Variants in ANO6 observed in about 807,000 individuals in gnomAD.
The protein encoded by ANO6 is anoctamin-6.
A neutral mutation model predicts 117.5 loss-of-function variants in ANO6; 106 were observed. That is an observed-to-expected ratio of 0.90 (90% confidence interval 0.77 to 1.06). The LOEUF is 1.06. Among genes scored for constraint, ANO6 ranks in the 50% least tolerant of loss-of-function variants. The pLI is 0.00. For missense variants in ANO6, 955 were observed against 1,121.1 expected (o/e 0.85, Z 2.12); for synonymous variants, 367 against 385.1 (o/e 0.95, Z 0.55).
chr12:45,350,802 G>A, intron 7 of ANO6, 28 bp downstream of exon 7: 6 of 1,572,288 alleles, frequency 3.8e-6, no homozygotes, highest in Non-Finnish European at 5.2e-6. Context: ...GTACTCCAGG[G>A]GGAGGCACTC....
intron 2 of ANO6, among the ~76,000 whole-genome samples, chr12:45,323,185 T>A (rs1940339361): frequency 6.6e-6 from 1 of 152,170 alleles, no homozygotes; most frequent in African/African-American, 2.4e-5. Flanking sequence ...TTCTATTCTT[T>A]TGTGGAATAA....
intron 10 of ANO6, among the ~76,000 whole-genome samples, chr12:45,380,776 C>T (rs943669901): frequency 6.6e-6 from 1 of 152,134 alleles, no homozygotes; most frequent in Non-Finnish European, 1.5e-5. Context: ...AGTTTGAAAC[C>T]AGCCTGGCCA....
At chr12:45,406,926 A>C (rs1942949347) in intron 15 of ANO6, among the ~76,000 whole-genome samples, 1 of 152,244 alleles carries the variant, frequency 6.6e-6, no homozygotes. Flanking sequence ...ATAAGGACCT[A>C]GTAAAGCATA....
chr12:45,239,160 C>A (rs1947697013), intron 1 of ANO6, among the ~76,000 whole-genome samples: 1 of 152,196 alleles, frequency 6.6e-6, no homozygotes, highest in Non-Finnish European at 1.5e-5. Flanking sequence ...GGCTGTGAAT[C>A]CATCTGGTCC....
intron 15 of ANO6, among the ~76,000 whole-genome samples, chr12:45,405,854 C>G (rs1022652859): frequency 6.6e-6 from 1 of 152,026 alleles, no homozygotes; most frequent in African/African-American, 2.4e-5. Flanking sequence ...TTGCAGTGAG[C>G]CGAGATCGCA....
At chr12:45,411,043 A>T (rs549820372) in intron 16 of ANO6, among the ~76,000 whole-genome samples, 1 of 152,248 alleles carries the variant, frequency 6.6e-6, no homozygotes, top group East Asian at 1.9e-4. Context: ...GGACTGTAAG[A>T]CAATTACCTG....
chr12:45,312,008 C>T (rs1189081659), intron 2 of ANO6, among the ~76,000 whole-genome samples: 2 of 151,986 alleles, frequency 1.3e-5, no homozygotes, highest in Non-Finnish European at 2.9e-5. Context: ...AGTGTTCATT[C>T]TACCTGGTTT....
chr12:45,347,169 T>C, intron 4 of ANO6, 82 bp downstream of exon 4: 3 of 1,339,944 alleles, frequency 2.2e-6, no homozygotes, highest in Non-Finnish European at 3.2e-6. Context: ...TGGGTGACAT[T>C]GGAAACATGC....
chr12:45,346,416 T>C (rs1045752522), intron 3 of ANO6, among the ~76,000 whole-genome samples: 2 of 152,186 alleles, frequency 1.3e-5, no homozygotes, highest in South Asian at 2.1e-4. Context: ...CCATGTAATA[T>C]AGATATCAAT....
intron 1 of ANO6, among the ~76,000 whole-genome samples, chr12:45,241,254 T>C (rs943894001): frequency 3.3e-5 from 5 of 152,202 alleles, no homozygotes; most frequent in African/African-American, 7.2e-5. Context: ...CGTTTCTTTT[T>C]CTTCTTTTTT....
chr12:45,437,516 G>A (rs1196111111), intron 19 of ANO6, among the ~76,000 whole-genome samples: 1 of 151,786 alleles, frequency 6.6e-6, no homozygotes, highest in African/African-American at 2.4e-5. Context: ...TTCTAATACA[G>A]TATTTACTAT....
At chr12:45,375,114 A>G in intron 9 of ANO6, among the ~76,000 whole-genome samples, 1 of 152,226 alleles carries the variant, frequency 6.6e-6, no homozygotes, top group Non-Finnish European at 1.5e-5. Flanking sequence ...ATTGCTTCAA[A>G]GAGAATAAAA....
chr12:45,384,321 A>G (rs569662135), intron 10 of ANO6, among the ~76,000 whole-genome samples: 6 of 152,200 alleles, frequency 3.9e-5, no homozygotes, highest in African/African-American at 1.4e-4. Context: ...AGGTTGTTTC[A>G]CTTTTTTGTC....
At position 45,287,418 on chromosome 12, in the gene ANO6, C is replaced by T. The variant is rs558851387; in HGVS notation, c.71-14596C>T. 5.9e-5 allele frequency among the ~76,000 whole-genome samples: 9 copies of T among 152,264 alleles called. No homozygotes were observed. In the South Asian group the frequency reaches 1.9e-3, roughly 32 times the overall value. On this transcript the variant is annotated intron_variant, in intron 1 of 19. Coordinates refer to ENST00000320560, the MANE Select transcript of ANO6 (RefSeq NM_001025356.3). ...ATATGAAGGTAACTGTTGTACTTTT[C>T]TTACCTTGCAGAACTGCTGTGAGAA...
exon 20 of ANO6, chr12:45,439,730 A>C (rs1325489859): frequency 6.5e-7 from 1 of 1,544,230 alleles, no homozygotes; most frequent in African/African-American, 1.4e-5. Flanking sequence ...GCTCACTGCA[A>C]CCTCCGCCTC....
At chr12:45,234,511 G>A (rs1051827211) in intron 1 of ANO6, among the ~76,000 whole-genome samples, 17 of 152,206 alleles carry the variant, frequency 1.1e-4, no homozygotes, top group African/African-American at 3.6e-4. Flanking sequence ...CCAAATGAAG[G>A]AGCAGTTCAG....
chr12:45,356,828 G>A (rs968064743), intron 7 of ANO6, among the ~76,000 whole-genome samples: 2 of 152,108 alleles, frequency 1.3e-5, no homozygotes, highest in Non-Finnish European at 2.9e-5. Context: ...ACCCTGTGTT[G>A]TTTAAGGCTC....
intron 15 of ANO6, among the ~76,000 whole-genome samples, chr12:45,405,095 CT>C (rs879299555): frequency 2.7e-3 from 382 of 142,550 alleles, no homozygotes; most frequent in Admixed American, 2.7e-3. Context: ...CTGTGAAATT[CT>C]TTTTTTTTTT....
Position 45,401,976 on chromosome 12 carries a change from T to C in ANO6, c.1568T>C (p.Leu523Pro). 1 of 1,614,110 alleles carries C rather than the reference T, an allele frequency of 6.2e-7. No homozygotes were observed. The highest frequency in any genetic ancestry group is 8.5e-7 in the Non-Finnish European group (1 of 1,179,992). Residue 523 changes from leucine to proline, a missense_variant, in exon 13 of 20, where the codon CTG (leucine) becomes CCG (proline). Transcript: ENST00000320560. Reference sequence around the variant, plus strand: ...ATCAGCTTTATAATTATCATGATTCTGAACACCATATATGAAAAAGTGGCA... The same window carrying C: ...ATCAGCTTTATAATTATCATGATTCCGAACACCATATATGAAAAAGTGGCA... The part of the protein sequence containing the change: ...SIISFIIIMI[L>P]NTIYEKVAIM...
Sources: gnomAD v4.1 joint callset for allele counts (sites outside exome capture counted in the v4.1 genomes callset) on GRCh38, gnomAD v4.1.1 for gene constraint, MANE v1.5 for transcripts, NCBI Gene and HGNC (gene_info 2026-07-23, HGNC 2026-07-21) for gene names.